The following NELL1 variants were observed in gnomAD, a reference collection of about 807,000 sequenced individuals.
NELL1 encodes protein kinase C-binding protein NELL1.
Under a neutral mutation model 107.4 loss-of-function variants are expected in NELL1, and 76 were observed. That is an observed-to-expected ratio of 0.71 (90% confidence interval 0.59 to 0.86). The LOEUF (loss-of-function observed/expected upper bound fraction) is 0.86, where lower values mean the gene tolerates loss of function less well. Among genes scored for constraint, NELL1 ranks in the 40% least tolerant of loss-of-function variants. The probability of loss-of-function intolerance (pLI) is 0.00; values close to 1 mark genes in which losing one functional copy is unlikely to be tolerated. For synonymous variants in NELL1, 353 were observed against 341.2 expected (o/e 1.03, Z -0.38); for missense variants, 1,024 against 1,005.5 (o/e 1.02, Z -0.25).
intron 4 of NELL1, among the ~76,000 whole-genome samples, chr11:20,873,965 A>G (rs1342782076): frequency 1.3e-5 from 2 of 151,912 alleles, no homozygotes; most frequent in Admixed American, 6.6e-5. Context: ...GGGTCTTCCT[A>G]TGTTACCCAG....
chr11:20,861,637 G>A (rs1354111094), intron 4 of NELL1, among the ~76,000 whole-genome samples: 1 of 152,198 alleles, frequency 6.6e-6, no homozygotes, highest in East Asian at 1.9e-4. Flanking sequence ...ATTGAACTGG[G>A]TTTGTGATGA....
chr11:20,808,852 G>T (rs1259491349), intron 3 of NELL1, among the ~76,000 whole-genome samples: 2 of 152,142 alleles, frequency 1.3e-5, no homozygotes, highest in Non-Finnish European at 2.9e-5. Context: ...TTGCTATGTG[G>T]CTGCTGCTGG....
chr11:20,730,296 C>T (rs921686476), intron 2 of NELL1, among the ~76,000 whole-genome samples: 4 of 152,144 alleles, frequency 2.6e-5, no homozygotes, highest in African/African-American at 9.7e-5. Context: ...GAGATCTTAA[C>T]AGTCCATGGA....
At chr11:21,464,023 A>G (rs1853965013) in intron 15 of NELL1, among the ~76,000 whole-genome samples, 1 of 152,104 alleles carries the variant, frequency 6.6e-6, no homozygotes, top group Non-Finnish European at 1.5e-5. Context: ...TCCTCAAAGC[A>G]TGGTCGCCTA....
In NELL1 at chr11:21,113,720, C is replaced by T; in HGVS notation, c.1426+6C>T. 1.2e-6 allele frequency: 2 copies of T among 1,609,208 alleles called. No homozygotes were observed. Among genetic ancestry groups the T allele is most frequent in the South Asian group, 1.1e-5 (1 of 90,272 alleles). ...GGATGACTTCTCTTGTACAGGTGAG[C>T]TTTAAGAAGCAGTGTTGTTTTTTTA... On this transcript the variant is annotated splice_donor_region_variant and intron_variant, in intron 13 of 19. Transcript: ENST00000357134.
chr11:20,729,803 C>T (rs979434238), intron 2 of NELL1, among the ~76,000 whole-genome samples: 1 of 152,106 alleles, frequency 6.6e-6, no homozygotes, highest in Non-Finnish European at 1.5e-5. Flanking sequence ...TTTTGCCTGA[C>T]TTTATGCTCT....
At chr11:21,328,186 G>A (rs528490260) in intron 14 of NELL1, among the ~76,000 whole-genome samples, 19 of 152,212 alleles carry the variant, frequency 1.2e-4, no homozygotes, top group African/African-American at 4.3e-4. Flanking sequence ...GGAAAAAATT[G>A]TTTTATGGGC....
chr11:20,696,262 A>G (rs1328424925), intron 2 of NELL1, among the ~76,000 whole-genome samples: 1 of 151,838 alleles, frequency 6.6e-6, no homozygotes, highest in East Asian at 1.9e-4. Flanking sequence ...TGGACTTTTG[A>G]GTCTTAATTT....
At chr11:20,874,240 G>A (rs1849261244) in intron 4 of NELL1, among the ~76,000 whole-genome samples, 1 of 152,032 alleles carries the variant, frequency 6.6e-6, no homozygotes, top group South Asian at 2.1e-4. Flanking sequence ...GCTAATTTTT[G>A]TATTTTTAGT....
At chr11:21,257,216 G>A (rs540221861) in intron 14 of NELL1, among the ~76,000 whole-genome samples, 1 of 152,024 alleles carries the variant, frequency 6.6e-6, no homozygotes, top group Admixed American at 6.6e-5. Flanking sequence ...GTGGCCCTGG[G>A]ATACAATTTA....
Position 21,179,862 on chromosome 11 carries a change from C to CTTTTTTTTTTTTT in NELL1, c.1427-49457_1427-49445dup, listed in dbSNP as rs1164420669. On this transcript the variant is annotated intron_variant, in intron 13 of 19. Transcript: ENST00000357134. The stretch of plus-strand genomic sequence containing the variant: ...AAGGTTTAGGACAGAAATCAACACA[C>CTTTTTTTTTTTTT]TTTTTTTTTTTTTTTTTTTTTTTTT... Among the ~76,000 whole-genome samples the CTTTTTTTTTTTTT allele has an allele frequency of 1.2e-4, 9 of 75,702 alleles. 1 individual carries two copies. Among genetic ancestry groups the CTTTTTTTTTTTTT allele is most frequent in the African/African-American group, 2.9e-4 (5 of 17,494 alleles). The allele number at this position is 75,702 out of a possible 152,430, so 49.7% of individuals were successfully genotyped here.
At chr11:21,051,550 A>G (rs1853493456) in intron 12 of NELL1, among the ~76,000 whole-genome samples, 1 of 152,124 alleles carries the variant, frequency 6.6e-6, no homozygotes, top group Non-Finnish European at 1.5e-5. Flanking sequence ...AAAACCTGAG[A>G]AAACTGAGAA....
At chr11:20,825,948 A>C (rs1422363206) in intron 3 of NELL1, among the ~76,000 whole-genome samples, 1 of 151,230 alleles carries the variant, frequency 6.6e-6, no homozygotes, top group Admixed American at 6.6e-5. Context: ...AGGTGATTAG[A>C]TAATGGAGGT....
intron 15 of NELL1, among the ~76,000 whole-genome samples, chr11:21,458,852 AT>A (rs1233160661): frequency 6.6e-6 from 1 of 152,110 alleles, no homozygotes; most frequent in East Asian, 1.9e-4. Context: ...AATGAAGAGA[AT>A]TTTTTTCTGT....
chr11:21,171,326 G>A (rs1196603672), intron 13 of NELL1, among the ~76,000 whole-genome samples: 1 of 151,718 alleles, frequency 6.6e-6, no homozygotes, highest in Non-Finnish European at 1.5e-5. Context: ...ACACAAAGAA[G>A]AAGAAGAGAG....
At chr11:21,261,735 A>G (rs1848537031) in intron 14 of NELL1, among the ~76,000 whole-genome samples, 1 of 151,864 alleles carries the variant, frequency 6.6e-6, no homozygotes. Flanking sequence ...CTGAGAAATT[A>G]TTTTGTAATT....
chr11:20,711,259 A>G (rs768139598), intron 2 of NELL1, among the ~76,000 whole-genome samples: 1 of 151,992 alleles, frequency 6.6e-6, no homozygotes. Flanking sequence ...CTTTACCTTT[A>G]GTTAGTGTGA....
chr11:21,506,544 G>C lies in NELL1; in HGVS notation c.1646-27830G>C, dbSNP rs571760853. Among the ~76,000 whole-genome samples, 5 of 152,346 alleles carry C rather than the reference G, an allele frequency of 3.3e-5. No individual in the cohort carries two copies. The South Asian group carries it at 1.0e-3, about 32-fold the overall frequency. Reference sequence around the variant, plus strand: ...CAGTTTTGACATATTCTCACTGTGTGACTTGGGGCTTCAGTTTCCTCATCT... The same window carrying C: ...CAGTTTTGACATATTCTCACTGTGTCACTTGGGGCTTCAGTTTCCTCATCT... On this transcript the variant is annotated intron_variant, in intron 15 of 19. Coordinates refer to ENST00000357134, the MANE Select transcript of NELL1 (RefSeq NM_006157.5).
intron 15 of NELL1, among the ~76,000 whole-genome samples, chr11:21,457,429 A>G (rs115320985): frequency 2.8e-3 from 421 of 152,292 alleles, no homozygotes; most frequent in African/African-American, 9.2e-3. Flanking sequence ...GGTATTAAAC[A>G]TTATTTTGTG....
Sources: gnomAD v4.1 joint callset for allele counts (sites outside exome capture counted in the v4.1 genomes callset) on GRCh38, gnomAD v4.1.1 for gene constraint, MANE v1.5 for transcripts, NCBI Gene and HGNC (gene_info 2026-07-23, HGNC 2026-07-21) for gene names.